Variants in PTPN1 observed in about 807,000 individuals in gnomAD.
PTPN1 encodes protein tyrosine phosphatase non-receptor type 1.
A neutral mutation model predicts 59.9 loss-of-function variants in PTPN1; 12 were observed. That is an observed-to-expected ratio of 0.20 (90% confidence interval 0.13 to 0.32). PTPN1 has a LOEUF of 0.32. PTPN1 is among the 10% of genes least tolerant of loss of function. PTPN1 has a pLI of 1.00. For missense variants in PTPN1, 356 were observed against 549.2 expected (o/e 0.65, Z 3.52); for synonymous variants, 178 against 203.6 (o/e 0.87, Z 1.07).
At chr20:50,554,603 T>G (rs918276254) in intron 1 of PTPN1, among the ~76,000 whole-genome samples, 1 of 152,014 alleles carries the variant, frequency 6.6e-6, no homozygotes, top group Non-Finnish European at 1.5e-5. Flanking sequence ...ATTTTTATTT[T>G]AAAATTTATT....
chr20:50,557,226 A>G (rs934601701), intron 1 of PTPN1, among the ~76,000 whole-genome samples: 8 of 151,980 alleles, frequency 5.3e-5, no homozygotes, highest in African/African-American at 1.9e-4. Flanking sequence ...TTAAATTTAT[A>G]AATTCTTTTT....
At chr20:50,563,923 TC>T (rs901713694) in intron 2 of PTPN1, among the ~76,000 whole-genome samples, 24 of 152,320 alleles carry the variant, frequency 1.6e-4, no homozygotes, top group African/African-American at 5.3e-4. Context: ...GGGCAGGACT[TC>T]CAAATGAAAG....
At chr20:50,562,598 T>C (rs1159153240) in intron 2 of PTPN1, among the ~76,000 whole-genome samples, 1 of 152,220 alleles carries the variant, frequency 6.6e-6, no homozygotes, top group Non-Finnish European at 1.5e-5. Flanking sequence ...GCTCAGTAAA[T>C]GTTGTCTGTG....
rs2082500514 is a variant in PTPN1, at chr20:50,510,420, A to AGGGGTCGGGGATTGCAGCG, written c.-105_-87dup. On this transcript the variant is annotated 5_prime_UTR_variant, in exon 1 of 10. Coordinates refer to ENST00000371621, the MANE Select transcript of PTPN1 (RefSeq NM_002827.4). Reference sequence around the variant, plus strand: ...CAGCGGCTAGGGCGGCGGTAGCTGCAGGGGTCGGGGATTGCAGCGGGCCTC... The same window carrying AGGGGTCGGGGATTGCAGCG: ...CAGCGGCTAGGGCGGCGGTAGCTGCAGGGGTCGGGGATTGCAGCGGGGGTCGGGGATTGCAGCGGGCCTC... 8.1e-7 allele frequency: 1 copy of AGGGGTCGGGGATTGCAGCG among 1,235,776 alleles called. No individual in the cohort carries two copies. Among genetic ancestry groups the AGGGGTCGGGGATTGCAGCG allele is most frequent in the South Asian group, 1.4e-5 (1 of 73,122 alleles). 76.6% of individuals were successfully genotyped at this position (1,235,776 alleles called of 1,614,324 possible).
At chr20:50,524,567 G>GTTTTTTTTTTTTTTT (rs1386022104) in intron 1 of PTPN1, among the ~76,000 whole-genome samples, 1 of 64,114 alleles carries the variant, frequency 1.6e-5, no homozygotes, top group African/African-American at 7.9e-5. Context: ...CCATTATGTG[G>GTTTTTTTTTTTTTTT]TCTTTTTTTT....
chr20:50,531,525 C>A (rs1207703333), intron 1 of PTPN1, among the ~76,000 whole-genome samples: 1 of 152,124 alleles, frequency 6.6e-6, no homozygotes, highest in Non-Finnish European at 1.5e-5. Flanking sequence ...TTCAGGCTCC[C>A]GCCACCATGC....
intron 1 of PTPN1, among the ~76,000 whole-genome samples, chr20:50,552,021 C>G (rs1479215704): frequency 3.9e-5 from 6 of 152,106 alleles, no homozygotes; most frequent in African/African-American, 1.4e-4. Context: ...ACATTTTTTG[C>G]TTGCAGTGGA....
At chr20:50,531,674 G>T (rs1272887157) in intron 1 of PTPN1, among the ~76,000 whole-genome samples, 1 of 152,226 alleles carries the variant, frequency 6.6e-6, no homozygotes, top group Non-Finnish European at 1.5e-5. Flanking sequence ...ACTGTGCCTG[G>T]CAGGGAGTCT....
intron 2 of PTPN1, among the ~76,000 whole-genome samples, chr20:50,564,671 A>G (rs1601409081): frequency 6.6e-6 from 1 of 152,108 alleles, no homozygotes; most frequent in African/African-American, 2.4e-5. Context: ...GGGGAGAGTA[A>G]TAAGTATCAC....
chr20:50,556,924 C>T (rs934357136), intron 1 of PTPN1, among the ~76,000 whole-genome samples: 2 of 152,214 alleles, frequency 1.3e-5, no homozygotes, highest in African/African-American at 2.4e-5. Context: ...CAATTTTCCA[C>T]AAGATCAGTG....
At chr20:50,560,628 T>A (rs2082747652) in intron 1 of PTPN1, among the ~76,000 whole-genome samples, 2 of 151,592 alleles carry the variant, frequency 1.3e-5, no homozygotes, top group African/African-American at 2.4e-5. Context: ...TTTTTTTTTT[T>A]AATTTTGGTA....
chr20:50,554,381 TC>T lies in PTPN1; in HGVS notation c.64-6981del, dbSNP rs796164734. 9.0e-3 allele frequency among the ~76,000 whole-genome samples: 173 copies of T among 19,156 alleles called. 1 individual carries two copies. Among genetic ancestry groups the T allele is most frequent in the East Asian group, 0.055 (27 of 488 alleles). 12.6% of individuals were successfully genotyped at this position (19,156 alleles called of 152,430 possible). A position where few individuals can be genotyped will look rare whatever the true frequency, so the allele number is the denominator to read the frequency against. Reference sequence around the variant, plus strand: ...CAGCCTAGGCAACAGCAAGACCACATCTCTCTCTCTCTCTCTCTCTCTCTCT... The same window carrying T: ...CAGCCTAGGCAACAGCAAGACCACATTCTCTCTCTCTCTCTCTCTCTCTCT... On this transcript the variant is annotated intron_variant, in intron 1 of 9. Transcript: ENST00000371621.
chr20:50,545,597 C>G (rs989242594), intron 1 of PTPN1, among the ~76,000 whole-genome samples: 1 of 152,192 alleles, frequency 6.6e-6, no homozygotes, highest in African/African-American at 2.4e-5. Context: ...TTTACGTGTA[C>G]AGCCTGGTAC....
At chr20:50,518,896 A>T (rs1441962215) in intron 1 of PTPN1, among the ~76,000 whole-genome samples, 1 of 152,188 alleles carries the variant, frequency 6.6e-6, no homozygotes, top group African/African-American at 2.4e-5. Flanking sequence ...TGGTTTAGCC[A>T]CACCTAAAGG....
intron 5 of PTPN1, among the ~76,000 whole-genome samples, chr20:50,576,174 G>A (rs2082835962): frequency 6.6e-6 from 1 of 152,194 alleles, no homozygotes; most frequent in African/African-American, 2.4e-5. Flanking sequence ...GAGTAACATG[G>A]GCAGTGTGTT....
intron 3 of PTPN1, among the ~76,000 whole-genome samples, chr20:50,567,494 T>C (rs1257744634): frequency 6.6e-6 from 1 of 151,944 alleles, no homozygotes; most frequent in East Asian, 1.9e-4. Flanking sequence ...TGAGAAGAAG[T>C]GATGCTGGCC....
rs142298684 is a variant in PTPN1, at chr20:50,525,852, A to G, written c.63+15262A>G. Among the ~76,000 whole-genome samples the G allele has an allele frequency of 5.6e-4, 86 of 152,262 alleles. 1 individual carries two copies. Among genetic ancestry groups the G allele is most frequent in the African/African-American group, 2.0e-3 (81 of 41,532 alleles). ...CAGAAGTAGATATATGGGGTAAAAG[A>G]ACCATAGTTCATAAGCTCCTTGACA... On this transcript the variant is annotated intron_variant, in intron 1 of 9. Coordinates refer to ENST00000371621, the MANE Select transcript of PTPN1 (RefSeq NM_002827.4).
intron 1 of PTPN1, among the ~76,000 whole-genome samples, chr20:50,528,030 G>A (rs1019694069): frequency 2.0e-5 from 3 of 152,192 alleles, no homozygotes; most frequent in Admixed American, 6.5e-5. Context: ...AGCCTTCAGA[G>A]GCACTTTGTT....
intron 3 of PTPN1, among the ~76,000 whole-genome samples, chr20:50,567,251 AC>A (rs564802559): frequency 4.3e-4 from 66 of 152,036 alleles, no homozygotes; most frequent in African/African-American, 1.5e-3. Context: ...ACATGGTGAA[AC>A]CCCGTCTCTA....
Sources: allele counts gnomAD v4.1 joint callset (sites outside exome capture counted in the v4.1 genomes callset), GRCh38; gene constraint gnomAD v4.1.1; transcripts MANE v1.5; gene names NCBI Gene and HGNC (gene_info 2026-07-23, HGNC 2026-07-21).